The following CFAP43 variants were observed in gnomAD, a reference collection of about 807,000 sequenced individuals.
The protein encoded by CFAP43 is cilia and flagella associated protein 43.
In CFAP43, 155 loss-of-function variants were observed where a neutral mutation model predicts 218.9. The observed-to-expected ratio is 0.71, with a 90% CI of 0.62 to 0.81. The LOEUF (loss-of-function observed/expected upper bound fraction) is 0.81. CFAP43 is among the 30% of genes least tolerant of loss of function. CFAP43 has a pLI of 0.00. For synonymous variants in CFAP43, 645 were observed against 681.3 expected (o/e 0.95, Z 0.83); for missense variants, 1,778 against 1,954.3 (o/e 0.91, Z 1.70).
At chr10:104,185,193 C>T (rs1159980383) in intron 15 of CFAP43, 47 bp from the exon 16 acceptor site, 15 of 1,608,826 alleles carry the variant, frequency 9.3e-6, no homozygotes, top group Non-Finnish European at 6.8e-6. Flanking sequence ...TGCAATTCTA[C>T]CACACGGCTT....
intron 28 of CFAP43, among the ~76,000 whole-genome samples, chr10:104,150,313 T>C (rs2088189863): frequency 6.6e-6 from 1 of 152,132 alleles, no homozygotes; most frequent in South Asian, 2.1e-4. Flanking sequence ...GCCAGGCCAG[T>C]GATTACATTC....
intron 3 of CFAP43, among the ~76,000 whole-genome samples, chr10:104,220,586 A>G (rs2091149912): frequency 6.6e-6 from 1 of 152,074 alleles, no homozygotes; most frequent in South Asian, 2.1e-4. Context: ...CAAAAAAAAA[A>G]TGAAACTTGG....
At chr10:104,227,352 T>A (rs2091330356) in intron 2 of CFAP43, among the ~76,000 whole-genome samples, 1 of 152,194 alleles carries the variant, frequency 6.6e-6, no homozygotes, top group African/African-American at 2.4e-5. Flanking sequence ...ATAGAGTCAA[T>A]ATTTATTTCA....
intron 2 of CFAP43, among the ~76,000 whole-genome samples, chr10:104,226,566 A>C (rs1056292434): frequency 2.6e-5 from 3 of 115,150 alleles, no homozygotes; most frequent in African/African-American, 8.6e-5. Context: ...AGAAAATGCC[A>C]AAAAAAAAGA....
Position 104,161,941 on chromosome 10 carries a change from A to G in CFAP43, c.3414+20T>C. The G allele has an allele frequency of 6.2e-7, 1 of 1,607,762 alleles. No individual in the cohort carries two copies. The highest frequency in any genetic ancestry group is 8.5e-7 in the Non-Finnish European group (1 of 1,176,908). Reference sequence around the variant, plus strand: ...TTTCCACCCCATTCCACCTTCTATAAGGATGAACAGAAATATCACCATTCT... The same window carrying G: ...TTTCCACCCCATTCCACCTTCTATAGGGATGAACAGAAATATCACCATTCT... On this transcript the variant is annotated intron_variant, in intron 26 of 37. Coordinates refer to ENST00000357060, the MANE Select transcript of CFAP43 (RefSeq NM_025145.7).
intron 33 of CFAP43, among the ~76,000 whole-genome samples, chr10:104,141,618 A>G (rs964725896): frequency 2.6e-5 from 4 of 152,180 alleles, no homozygotes; most frequent in Non-Finnish European, 4.4e-5. Context: ...TTCAAAATAA[A>G]TAAATAAATA....
At chr10:104,218,930 C>T (rs771524041) in intron 3 of CFAP43, 19 of 456,856 alleles carry the variant, frequency 4.2e-5, no homozygotes, top group Non-Finnish European at 1.8e-5. Context: ...GCCACCACAC[C>T]AACCACAGCT....
chr10:104,155,678 G>A (rs893408034), intron 27 of CFAP43, among the ~76,000 whole-genome samples: 4 of 152,058 alleles, frequency 2.6e-5, no homozygotes, highest in African/African-American at 7.2e-5. Flanking sequence ...AGGAAGATGA[G>A]GTGACAATTG....
Position 104,196,855 on chromosome 10 carries a change from G to A in CFAP43, c.1291C>T (p.Leu431=). ...ACVSKIYLNT[L]ATVLACCPSS... is the part of the protein sequence containing the mutation. ...ATCCATTTATCAAGTATACTTACTA[G>A]GGTATTCAGATAAATCTTGCTTACA... is the stretch of plus-strand genomic sequence containing the variant. The change falls in exon 10 of 38, where the codon CTA becomes TTA. Residue 431 remains leucine, a splice_region_variant and synonymous_variant. Coordinates refer to ENST00000357060, the MANE Select transcript of CFAP43 (RefSeq NM_025145.7). 1 of 1,607,146 alleles carries A rather than the reference G, an allele frequency of 6.2e-7. No homozygotes were observed. Among genetic ancestry groups the A allele is most frequent in the Non-Finnish European group, 8.5e-7 (1 of 1,176,040 alleles).
intron 4 of CFAP43, among the ~76,000 whole-genome samples, chr10:104,213,376 C>T (rs897415685): frequency 1.3e-5 from 2 of 152,172 alleles, no homozygotes; most frequent in South Asian, 2.1e-4. Flanking sequence ...CTCAGTAGCA[C>T]CTTGAGTCTC....
chr10:104,208,614 T>C (rs1408731099), intron 5 of CFAP43, among the ~76,000 whole-genome samples: 1 of 152,202 alleles, frequency 6.6e-6, no homozygotes, highest in African/African-American at 2.4e-5. Flanking sequence ...AAATGTTTGT[T>C]GATAATATCA....
At chr10:104,209,122 C>T (rs1211629229) in intron 5 of CFAP43, among the ~76,000 whole-genome samples, 1 of 152,112 alleles carries the variant, frequency 6.6e-6, no homozygotes, top group Non-Finnish European at 1.5e-5. Context: ...ACCCAGGTCA[C>T]AAGAAATGAC....
At chr10:104,205,643 C>T (rs572489179) in intron 7 of CFAP43, among the ~76,000 whole-genome samples, 16 of 152,250 alleles carry the variant, frequency 1.1e-4, no homozygotes, top group African/African-American at 3.1e-4. Flanking sequence ...TAAGCTAATA[C>T]ATTAAGTGTA....
chr10:104,173,062 G>C (rs902336446), intron 19 of CFAP43, among the ~76,000 whole-genome samples: 1 of 151,886 alleles, frequency 6.6e-6, no homozygotes, highest in African/African-American at 2.4e-5. Context: ...AAAAATTCAG[G>C]AGCAAAGGAT....
chr10:104,209,486 AAAAT>A (rs2090789144), intron 5 of CFAP43, among the ~76,000 whole-genome samples: 1 of 152,226 alleles, frequency 6.6e-6, no homozygotes, highest in Non-Finnish European at 1.5e-5. Flanking sequence ...AAAAGGTTTT[AAAAT>A]AAAGATGTCT....
At chr10:104,191,579 T>C (rs1589745737) in intron 12 of CFAP43, among the ~76,000 whole-genome samples, 1 of 152,134 alleles carries the variant, frequency 6.6e-6, no homozygotes, top group South Asian at 2.1e-4. Flanking sequence ...CTACACACCA[T>C]TCTGCATTTT....
chr10:104,132,613 T>G, intron 35 of CFAP43: 1 of 983,560 alleles, frequency 1.0e-6, no homozygotes, highest in Non-Finnish European at 1.2e-6. Flanking sequence ...AAACCCCATC[T>G]CAAAAAAAAC....
chr10:104,171,799 C>T (rs374844869), intron 20 of CFAP43, among the ~76,000 whole-genome samples: 2 of 152,284 alleles, frequency 1.3e-5, no homozygotes, highest in East Asian at 3.9e-4. Context: ...TCAGTTTATG[C>T]TTTTCTCTAC....
chr10:104,189,932 C>G (rs2090152781), intron 12 of CFAP43, among the ~76,000 whole-genome samples: 3 of 152,074 alleles, frequency 2.0e-5, no homozygotes, highest in Admixed American at 2.0e-4. Context: ...CTTTGGGAGG[C>G]CAAGGCGGGC....
Sources: allele counts gnomAD v4.1 joint callset (sites outside exome capture counted in the v4.1 genomes callset), GRCh38; gene constraint gnomAD v4.1.1; transcripts MANE v1.5; gene names NCBI Gene and HGNC (gene_info 2026-07-23, HGNC 2026-07-21).